Variants in MTMR8 observed in about 807,000 individuals in gnomAD.
MTMR8 encodes myotubularin related protein 8.
In MTMR8, 65 loss-of-function variants were observed where a neutral mutation model predicts 39.3. That is an observed-to-expected ratio of 1.65 (90% CI 1.35 to 2.03). MTMR8 has a LOEUF of 2.03. MTMR8 is among the 30% of genes most tolerant of loss of function. MTMR8 has a pLI of 0.00. For synonymous variants in MTMR8, 245 were observed against 185.2 expected (o/e 1.32, Z -2.62); for missense variants, 777 against 538.9 (o/e 1.44, Z -4.37).
chrX:64,354,877 C>G lies in MTMR8; in HGVS notation c.368G>C (p.Arg123Thr). 8.3e-7 allele frequency: 1 copy of G among 1,205,907 alleles called. No individual in the cohort carries two copies. Among genetic ancestry groups the G allele is most frequent in the Non-Finnish European group, 1.1e-6 (1 of 892,083 alleles). ...SYNPKSSKEMRESGWKLIDPI... is the reference protein window; with the variant it reads ...SYNPKSSKEMTESGWKLIDPI... The stretch of plus-strand genomic sequence containing the variant: ...GTCAATCAGTTTCCATCCACTTTCC[C>G]TCATCTCTTTTGAGGATTTGGGATT... Residue 123 changes from arginine (R) to threonine (T), a missense_variant, in exon 4 of 14, where the codon AGG becomes ACG. By Grantham distance (71) the Arg-to-Thr change is moderately conservative. Coordinates refer to ENST00000374852, the MANE Select transcript of MTMR8 (RefSeq NM_017677.4).
chrX:64,310,178 T>C (rs779518110), intron 12 of MTMR8, among the ~76,000 whole-genome samples: 1 of 112,188 alleles, frequency 8.9e-6, no homozygotes, highest in East Asian at 2.8e-4. Flanking sequence ...TATATAATAT[T>C]ATAAATCCTT....
Position 64,345,156 on chromosome X carries a change from C to T in MTMR8, c.754G>A (p.Ala252Thr). 5 of 1,211,178 alleles carry T rather than the reference C, an allele frequency of 4.1e-6. No individual in the cohort carries two copies. Among genetic ancestry groups the T allele is most frequent in the Non-Finnish European group, 5.6e-6 (5 of 895,093 alleles). ...TCATTTTCATACCCCTTCCCAGCTG[C>T]TCGGTTGGCCATGGCATTCAACTGC... ...RPKLNAMANRAAGKGYENEDN... is the reference protein window; with the variant it reads ...RPKLNAMANRTAGKGYENEDN... The change falls in exon 7 of 14, where the codon GCA becomes ACA. Residue 252 changes from alanine to threonine, a missense_variant. Coordinates refer to ENST00000374852, the MANE Select transcript of MTMR8 (RefSeq NM_017677.4).
intron 12 of MTMR8, among the ~76,000 whole-genome samples, chrX:64,286,831 T>C (rs1429830831): frequency 9.0e-6 from 1 of 111,254 alleles, no homozygotes; most frequent in Non-Finnish European, 1.9e-5. Flanking sequence ...TAAGAGCTAT[T>C]TATGACAAAC....
intron 10 of MTMR8, among the ~76,000 whole-genome samples, chrX:64,334,040 A>G (rs1339906178): frequency 9.0e-6 from 1 of 111,079 alleles, no homozygotes; most frequent in Non-Finnish European, 1.9e-5. Flanking sequence ...TCTTTATACA[A>G]TTTTTTGAGT....
At chrX:64,382,934 A>G (rs1344848969) in intron 1 of MTMR8, among the ~76,000 whole-genome samples, 1 of 111,320 alleles carries the variant, frequency 9.0e-6, no homozygotes, top group Non-Finnish European at 1.9e-5. Context: ...AGGTGATTCT[A>G]GTATGCAGCC....
At chrX:64,365,663 A>C (rs1923928588) in intron 1 of MTMR8, among the ~76,000 whole-genome samples, 1 of 111,975 alleles carries the variant, frequency 8.9e-6, no homozygotes, top group Non-Finnish European at 1.9e-5. Context: ...AACAGGCTAA[A>C]TTGTAAAGAT....
intron 1 of MTMR8, among the ~76,000 whole-genome samples, chrX:64,368,870 G>A (rs1348885410): frequency 2.7e-5 from 3 of 111,610 alleles, no homozygotes; most frequent in Non-Finnish European, 5.7e-5. Context: ...TCTGACAAAG[G>A]GCTAATATCC....
In MTMR8 at chrX:64,335,971, A is replaced by C. The variant is rs769760978; in HGVS notation, c.1151+108T>G. The C allele has an allele frequency of 2.7e-5, 14 of 528,116 alleles. No homozygotes were observed. In the African/African-American group the frequency reaches 2.9e-4, roughly 11 times the overall value. 43.5% of individuals were successfully genotyped at this position (528,116 alleles called of 1,213,427 possible). The stretch of plus-strand genomic sequence containing the variant: ...TTCTTGATGAAAAGAGATTTATGCC[A>C]TGTTCAACTTCCTCTTCCTTCCTTT... On this transcript the variant is annotated intron_variant, in intron 10 of 13. Coordinates refer to ENST00000374852, the MANE Select transcript of MTMR8 (RefSeq NM_017677.4).
intron 1 of MTMR8, among the ~76,000 whole-genome samples, chrX:64,382,198 T>G (rs1360938521): frequency 1.8e-5 from 2 of 111,852 alleles, no homozygotes; most frequent in African/African-American, 6.5e-5. Context: ...TTGGGCAGTA[T>G]AGCCATTTTC....
At chrX:64,378,240 T>C (rs1393848048) in intron 1 of MTMR8, among the ~76,000 whole-genome samples, 1 of 112,074 alleles carries the variant, frequency 8.9e-6, no homozygotes, top group Non-Finnish European at 1.9e-5. Flanking sequence ...AAGAAATACA[T>C]AAAAATAGAG....
intron 12 of MTMR8, among the ~76,000 whole-genome samples, chrX:64,310,696 T>C (rs1922269465): frequency 9.1e-6 from 1 of 109,330 alleles, no homozygotes; most frequent in Non-Finnish European, 1.9e-5. Context: ...TTCCTTACCC[T>C]GTGTCCAAGT....
chrX:64,275,420 G>C (rs912100674), intron 12 of MTMR8, among the ~76,000 whole-genome samples: 2 of 109,936 alleles, frequency 1.8e-5, no homozygotes, highest in Non-Finnish European at 3.8e-5. Context: ...GTGGGGCCAG[G>C]TGCAGTGGCT....
At chrX:64,297,564 G>C (rs1384562504) in intron 12 of MTMR8, among the ~76,000 whole-genome samples, 11 of 88,887 alleles carry the variant, frequency 1.2e-4, no homozygotes, top group African/African-American at 4.2e-4. Context: ...TTCTTTTGCT[G>C]TGCAGAAGCT....
intron 12 of MTMR8, among the ~76,000 whole-genome samples, chrX:64,321,744 A>C (rs895014030): frequency 1.8e-5 from 2 of 112,209 alleles, no homozygotes; most frequent in African/African-American, 6.5e-5. Flanking sequence ...ATAAACTCCA[A>C]GTAGGAAAGC....
At chrX:64,277,684 C>A (rs934108735) in intron 12 of MTMR8, among the ~76,000 whole-genome samples, 2 of 111,229 alleles carry the variant, frequency 1.8e-5, no homozygotes, top group African/African-American at 3.3e-5. Flanking sequence ...TTCCTTTCAA[C>A]CTTGGTGAAT....
At chrX:64,371,407 C>T (rs1414459317) in intron 1 of MTMR8, among the ~76,000 whole-genome samples, 1 of 111,777 alleles carries the variant, frequency 8.9e-6, no homozygotes, top group African/African-American at 3.2e-5. Flanking sequence ...ACATCAAATA[C>T]TAGCATGGTT....
At chrX:64,356,468 T>C (rs1233612108) in intron 2 of MTMR8, 130 bp from the exon 3 acceptor site, 2 of 563,352 alleles carry the variant, frequency 3.6e-6, no homozygotes, top group Non-Finnish European at 5.5e-6. Flanking sequence ...CCTACAACCA[T>C]TCTTTGTAAG....
intron 12 of MTMR8, among the ~76,000 whole-genome samples, chrX:64,327,616 T>G (rs1316192102): frequency 2.7e-5 from 3 of 112,467 alleles, no homozygotes; most frequent in Non-Finnish European, 5.6e-5. Context: ...AAAAACAGTA[T>G]GGACTTCCTA....
At chrX:64,353,090 C>T (rs779757979) in intron 4 of MTMR8, among the ~76,000 whole-genome samples, 1 of 111,744 alleles carries the variant, frequency 8.9e-6, no homozygotes, top group Non-Finnish European at 1.9e-5. Flanking sequence ...GCACCAAGGA[C>T]ACATATTTGG....
Sources: allele counts gnomAD v4.1 joint callset (sites outside exome capture counted in the v4.1 genomes callset), GRCh38; gene constraint gnomAD v4.1.1; transcripts MANE v1.5; gene names NCBI Gene and HGNC (gene_info 2026-07-23, HGNC 2026-07-21).